CRTC3: variants seen among roughly 807,000 people sequenced by gnomAD.
The protein encoded by CRTC3 is CREB-regulated transcription coactivator 3.
CRTC3 carries 26 observed loss-of-function variants against 74.5 expected under a neutral mutation model. That is an observed-to-expected ratio of 0.35 (90% CI 0.26 to 0.48). The LOEUF (loss-of-function observed/expected upper bound fraction) is 0.48, where lower values mean the gene tolerates loss of function less well. Among genes scored for constraint, CRTC3 ranks in the 20% least tolerant of loss-of-function variants. The pLI is 0.99. For missense variants in CRTC3, 760 were observed against 787.3 expected, an observed-to-expected ratio of 0.97 and a Z score of 0.41; for synonymous variants, 377 against 325.8, an observed-to-expected ratio of 1.16 and a Z score of -1.69.
chr15:90,572,668 C>T (rs911225338), intron 2 of CRTC3, among the ~76,000 whole-genome samples: 4 of 152,112 alleles, frequency 2.6e-5, no homozygotes, highest in African/African-American at 4.8e-5. Flanking sequence ...TTCCACCTCC[C>T]GGGTTCAAGC....
chr15:90,636,760 CT>C (rs1240065674), intron 11 of CRTC3, among the ~76,000 whole-genome samples: 9 of 152,320 alleles, frequency 5.9e-5, no homozygotes, highest in African/African-American at 2.2e-4. Context: ...AACAGACACT[CT>C]TCAAAAGAAG....
At chr15:90,584,631 G>A (rs1052406810) in intron 2 of CRTC3, among the ~76,000 whole-genome samples, 4 of 152,150 alleles carry the variant, frequency 2.6e-5, no homozygotes, top group Non-Finnish European at 4.4e-5. Context: ...CCAATCTGTC[G>A]CACATTTGTC....
chr15:90,594,897 G>A (rs1967884088), intron 3 of CRTC3: 1 of 152,190 alleles, frequency 6.6e-6, no homozygotes, highest in African/African-American at 2.4e-5. Context: ...GCACTCTAGG[G>A]AAACCCCAAC....
intron 11 of CRTC3, among the ~76,000 whole-genome samples, chr15:90,632,206 A>AAGT: frequency 6.6e-6 from 1 of 152,258 alleles, no homozygotes; most frequent in Middle Eastern, 3.4e-3. Context: ...TAAGATCTAA[A>AAGT]AGTATTCTTG....
intron 3 of CRTC3, chr15:90,600,179 A>G (rs1968030562): frequency 6.6e-6 from 1 of 152,254 alleles, no homozygotes; most frequent in African/African-American, 2.4e-5. Context: ...AAATAAGATA[A>G]TGAGACTTGT....
chr15:90,631,057 G>A lies in CRTC3; in HGVS notation c.1266+1525G>A, dbSNP rs1423992869. ...CTCCCAAAGTGCTGGGATTACAGGC[G>A]TGAGCCACCGCGCCCGGCCTATTAC... On this transcript the variant is annotated intron_variant, in intron 11 of 14. Coordinates refer to ENST00000268184, the MANE Select transcript of CRTC3 (RefSeq NM_022769.5). 1.2e-4 allele frequency among the ~76,000 whole-genome samples: 2 copies of A among 16,300 alleles called. 1 individual carries two copies. Among genetic ancestry groups the A allele is most frequent in the East Asian group, 3.3e-3 (2 of 598 alleles). 10.7% of individuals were successfully genotyped at this position (16,300 alleles called of 152,430 possible).
intron 2 of CRTC3, among the ~76,000 whole-genome samples, chr15:90,549,724 G>A (rs1187202295): frequency 7.2e-5 from 9 of 125,488 alleles, no homozygotes; most frequent in African/African-American, 2.5e-4. Context: ...TTTTTTTTGA[G>A]ACAGGTCTTT....
intron 13 of CRTC3, among the ~76,000 whole-genome samples, 197 bp downstream of exon 13, chr15:90,639,012 T>C (rs1477275684): frequency 1.3e-5 from 2 of 152,228 alleles, no homozygotes; most frequent in African/African-American, 4.8e-5. Flanking sequence ...GTATCAGGCT[T>C]CAGCAGAGGA....
rs1166912097 is a variant in CRTC3 at position 90,643,789 on chromosome 15, G to A, written c.*1649G>A. On this transcript the variant is annotated 3_prime_UTR_variant, in exon 15 of 15. Transcript: ENST00000268184. ...AGGAGGAGAACCCTGAAGGAGAGAC[G>A]GAAGATGCCAGGACCTTTGCTTGGA... 10 of 232,710 alleles carry A rather than the reference G, an allele frequency of 4.3e-5. No homozygotes were observed. The highest frequency in any genetic ancestry group is 1.8e-4 in the South Asian group (1 of 5,522). 14.4% of individuals were successfully genotyped at this position (232,710 alleles called of 1,614,324 possible).
Position 90,614,410 on chromosome 15 carries a change from C to T in CRTC3, c.578-43C>T. 2.1e-6 allele frequency: 3 copies of T among 1,413,038 alleles called. No individual in the cohort carries two copies. The South Asian group carries it at 3.6e-5, about 17-fold the overall frequency. The allele number at this position is 1,413,038 out of a possible 1,614,324, so 87.5% of individuals were successfully genotyped here. On this transcript the variant is annotated intron_variant, in intron 6 of 14. Transcript: ENST00000268184. ...CATAAATTCATGAAAATGAAAGTAC[C>T]ACATAAAAGTGTTTTCTTTTTTTCT...
intron 7 of CRTC3, 33 bp downstream of exon 7, chr15:90,614,521 T>A (rs752191734): frequency 1.4e-6 from 2 of 1,472,850 alleles, no homozygotes; most frequent in African/African-American, 1.4e-5. Flanking sequence ...TATATTGGAG[T>A]GGGATGCTGA....
chr15:90,562,229 T>A (rs748978459), intron 2 of CRTC3, among the ~76,000 whole-genome samples: 16 of 152,272 alleles, frequency 1.1e-4, no homozygotes, highest in South Asian at 8.3e-4. Flanking sequence ...ATGACAGAAG[T>A]TTAAGAGTGG....
chr15:90,604,219 C>T (rs1327146622), intron 4 of CRTC3, 166 bp from the exon 5 acceptor site: 1 of 607,510 alleles, frequency 1.6e-6, no homozygotes, highest in Non-Finnish European at 3.0e-6. Flanking sequence ...AGTCTTACCT[C>T]ATTTTAACAA....
intron 2 of CRTC3, among the ~76,000 whole-genome samples, chr15:90,542,272 G>A (rs1966815646): frequency 6.7e-6 from 1 of 150,148 alleles, no homozygotes; most frequent in South Asian, 2.1e-4. Context: ...TCCAGCTCCT[G>A]AGTTCAAGAG....
At chr15:90,587,937 T>TA (rs1234107067) in intron 2 of CRTC3, among the ~76,000 whole-genome samples, 4 of 148,534 alleles carry the variant, frequency 2.7e-5, no homozygotes, top group Non-Finnish European at 6.0e-5. Context: ...TCTTTTGACT[T>TA]ACACCTCCCT....
At chr15:90,567,800 A>T (rs1002738398) in intron 2 of CRTC3, among the ~76,000 whole-genome samples, 1 of 152,342 alleles carries the variant, frequency 6.6e-6, no homozygotes, top group Non-Finnish European at 1.5e-5. Context: ...TATGCCTTCT[A>T]ACACAACATC....
At chr15:90,537,240 T>TAAG (rs10633075) in intron 1 of CRTC3, among the ~76,000 whole-genome samples, 98,031 of 151,850 alleles carry the variant, frequency 0.65, 32,490 homozygotes, top group Non-Finnish European at 0.7. Flanking sequence ...GATAATATCT[T>TAAG]AAGTTGACCA....
At chr15:90,611,669 G>A (rs750251885) in intron 6 of CRTC3, among the ~76,000 whole-genome samples, 2 of 152,158 alleles carry the variant, frequency 1.3e-5, no homozygotes, top group Middle Eastern at 3.4e-3. Flanking sequence ...TTCAGTAGCC[G>A]AGTCCTGTTC....
At chr15:90,546,926 A>C (rs775008332) in intron 2 of CRTC3, among the ~76,000 whole-genome samples, 2 of 152,228 alleles carry the variant, frequency 1.3e-5, no homozygotes, top group Non-Finnish European at 2.9e-5. Context: ...CCCGGCCAAC[A>C]CCTGCTAGGA....
Sources: allele counts gnomAD v4.1 joint callset (sites outside exome capture counted in the v4.1 genomes callset), GRCh38; gene constraint gnomAD v4.1.1; transcripts MANE v1.5; gene names NCBI Gene and HGNC (gene_info 2026-07-23, HGNC 2026-07-21).